Variants in STPG4 observed in about 807,000 individuals in gnomAD.
STPG4 encodes sperm-tail PG-rich repeat containing 4, also known as protein STPG4.
Under a neutral mutation model 31.5 loss-of-function variants are expected in STPG4, and 41 were observed. That is an observed-to-expected ratio of 1.30 (90% CI 1.01 to 1.69). The LOEUF is 1.69. Ranked by LOEUF, STPG4 falls within the 40% of genes most tolerant of loss-of-function variation. STPG4 has a pLI of 0.00. For synonymous variants in STPG4, 141 were observed against 103.0 expected (o/e 1.37, Z -2.24); for missense variants, 375 against 293.4 (o/e 1.28, Z -2.03).
At chr2:47,141,557 C>CAA (rs200257521) in intron 3 of STPG4, among the ~76,000 whole-genome samples, 40 of 140,292 alleles carry the variant, frequency 2.9e-4, no homozygotes, top group African/African-American at 9.5e-4. Context: ...AGTCCTGCCT[C>CAA]AAAAAAAAAA....
intron 5 of STPG4, among the ~76,000 whole-genome samples, chr2:47,092,701 A>C (rs1685596027): frequency 6.6e-6 from 1 of 152,006 alleles, no homozygotes; most frequent in East Asian, 1.9e-4. Context: ...TAATAGGGAC[A>C]TGTATCTGTA....
chr2:47,133,838 A>T (rs1428655103), intron 3 of STPG4, among the ~76,000 whole-genome samples: 4 of 151,920 alleles, frequency 2.6e-5, no homozygotes, highest in African/African-American at 9.7e-5. Context: ...TGGCCTCCCA[A>T]AGTGCTGGGA....
intron 3 of STPG4, among the ~76,000 whole-genome samples, chr2:47,140,915 G>C (rs887392830): frequency 6.7e-6 from 1 of 149,660 alleles, no homozygotes; most frequent in Non-Finnish European, 1.5e-5. Context: ...TTCTTTTTAA[G>C]ACAGGGTCTC....
At chr2:47,098,646 T>C (rs141326042) in intron 5 of STPG4, among the ~76,000 whole-genome samples, 1 of 151,968 alleles carries the variant, frequency 6.6e-6, no homozygotes, top group African/African-American at 2.4e-5. Context: ...AATATCTATA[T>C]ATATCCATGC....
At chr2:47,129,890 G>T (rs377342232) in intron 5 of STPG4, 51 bp downstream of exon 5, 8 of 1,596,896 alleles carry the variant, frequency 5.0e-6, no homozygotes, top group Non-Finnish European at 6.0e-6. Context: ...AAAGCACAGC[G>T]TATTTTAAAC....
At chr2:47,109,658 T>A (rs1462196219) in intron 5 of STPG4, among the ~76,000 whole-genome samples, 2 of 152,212 alleles carry the variant, frequency 1.3e-5, no homozygotes, top group South Asian at 4.1e-4. Context: ...TTTGAGGAGG[T>A]TGAGACTGGG....
At chr2:47,093,655 G>C (rs1431392496) in intron 5 of STPG4, among the ~76,000 whole-genome samples, 2 of 152,196 alleles carry the variant, frequency 1.3e-5, no homozygotes, top group African/African-American at 4.8e-5. Flanking sequence ...AGGCATGAAG[G>C]CTGATGAAGC....
chr2:47,097,272 C>A (rs1685692358), intron 5 of STPG4, among the ~76,000 whole-genome samples: 1 of 151,982 alleles, frequency 6.6e-6, no homozygotes, highest in African/African-American at 2.4e-5. Flanking sequence ...CCATAGTAAC[C>A]AACTTGAATT....
intron 5 of STPG4, chr2:47,121,208 C>T (rs1880583): frequency 0.68 from 104,485 of 154,038 alleles, 37,455 homozygotes; most frequent in East Asian, 0.93. Context: ...CTCCCCTCAC[C>T]CCTAGCTGTC....
intron 3 of STPG4, among the ~76,000 whole-genome samples, chr2:47,150,938 G>A (rs1199870607): frequency 6.6e-6 from 1 of 152,050 alleles, no homozygotes; most frequent in Admixed American, 6.6e-5. Context: ...CACATATACT[G>A]CTTGAAGAGA....
At chr2:47,102,312 G>C in intron 5 of STPG4, among the ~76,000 whole-genome samples, 1 of 151,856 alleles carries the variant, frequency 6.6e-6, no homozygotes, top group South Asian at 2.1e-4. Flanking sequence ...GAAACATTCA[G>C]GCATCAACAG....
chr2:47,140,229 G>A (rs1686675373), intron 3 of STPG4, among the ~76,000 whole-genome samples: 1 of 152,132 alleles, frequency 6.6e-6, no homozygotes, highest in Non-Finnish European at 1.5e-5. Flanking sequence ...GTTGGGTATT[G>A]CCCTTCCCTC....
rs1685693151 is a variant in STPG4 at position 47,097,304 on chromosome 2, AT to A, written c.520-6931del. 2.0e-5 allele frequency among the ~76,000 whole-genome samples: 3 copies of A among 152,218 alleles called. No homozygotes were observed. The South Asian group carries it at 6.2e-4, about 32-fold the overall frequency. On this transcript the variant is annotated intron_variant, in intron 5 of 6. Coordinates refer to ENST00000445927, the MANE Select transcript of STPG4 (RefSeq NM_001163561.2). ...AATTTGCTAAACTTACTTTAAAAAA[AT>A]CATCCTTCCCCAGAAAGCGCACACG...
intron 3 of STPG4, among the ~76,000 whole-genome samples, chr2:47,135,734 G>GA (rs1686583709): frequency 6.6e-6 from 1 of 152,026 alleles, no homozygotes; most frequent in Admixed American, 6.6e-5. Flanking sequence ...ACCATTTGTT[G>GA]AAAAAACTAT....
intron 5 of STPG4, among the ~76,000 whole-genome samples, chr2:47,095,742 C>T (rs917935226): frequency 6.6e-6 from 1 of 152,226 alleles, no homozygotes; most frequent in African/African-American, 2.4e-5. Flanking sequence ...TTTAACTGGG[C>T]TCATGTCTAC....
chr2:47,143,115 C>T (rs993074189), intron 3 of STPG4, among the ~76,000 whole-genome samples: 3 of 152,050 alleles, frequency 2.0e-5, no homozygotes, highest in Non-Finnish European at 2.9e-5. Flanking sequence ...CGTAAGCCAC[C>T]GCACCCGGCC....
intron 1 of STPG4, among the ~76,000 whole-genome samples, chr2:47,153,613 G>A (rs968466876): frequency 6.6e-6 from 1 of 152,058 alleles, no homozygotes; most frequent in Admixed American, 6.6e-5. Context: ...ACATTAGCTG[G>A]GCATGGTGGC....
At chr2:47,091,118 G>T (rs900714460) in intron 5 of STPG4, among the ~76,000 whole-genome samples, 1 of 150,262 alleles carries the variant, frequency 6.7e-6, no homozygotes, top group African/African-American at 2.5e-5. Flanking sequence ...AAGGAAGAAA[G>T]GGAGGGAGAA....
intron 3 of STPG4, among the ~76,000 whole-genome samples, chr2:47,140,305 G>A (rs1686677189): frequency 1.3e-5 from 2 of 152,144 alleles, no homozygotes; most frequent in Admixed American, 1.3e-4. Context: ...GAGAGTGCCT[G>A]ACATATTTCA....
Sources: allele counts gnomAD v4.1 joint callset (sites outside exome capture counted in the v4.1 genomes callset), GRCh38; gene constraint gnomAD v4.1.1; transcripts MANE v1.5; gene names NCBI Gene and HGNC (gene_info 2026-07-23, HGNC 2026-07-21).